The following PWWP2B variants were observed in gnomAD, a reference collection of about 807,000 sequenced individuals.
PWWP2B encodes the protein PWWP domain containing 2B, also known as PWWP domain-containing protein 2B.
PWWP2B carries 9 observed loss-of-function variants against 15.5 expected under a neutral mutation model. The observed-to-expected ratio is 0.58, with a 90% confidence interval of 0.35 to 1.02. The LOEUF (loss-of-function observed/expected upper bound fraction) is 1.02. Among genes scored for constraint, PWWP2B ranks in the 50% least tolerant of loss-of-function variants. PWWP2B has a pLI of 0.02. For missense variants in PWWP2B, 864 were observed against 865.3 expected, an observed-to-expected ratio of 1.00 and a Z score of 0.02; for synonymous variants, 474 against 403.6, an observed-to-expected ratio of 1.17 and a Z score of -2.09.
chr10:132,409,515 G>A lies in PWWP2B; in HGVS notation c.*16+3226G>A, dbSNP rs1401770839. On this transcript the variant is annotated intron_variant, in intron 2 of 2. Transcript: ENST00000305233. Reference sequence around the variant, plus strand: ...ACCCCCACCACCGCCTGGGCCCACCGAGCCTGAGAGGGGAAGGCAGCTCCT... The same window carrying A: ...ACCCCCACCACCGCCTGGGCCCACCAAGCCTGAGAGGGGAAGGCAGCTCCT... Among the ~76,000 whole-genome samples, 4 of 152,246 alleles carry A rather than the reference G, an allele frequency of 2.6e-5. No homozygotes were observed. In the East Asian group the frequency reaches 7.7e-4, roughly 29 times the overall value.
chr10:132,416,990 A>C, intron 2 of PWWP2B, 71 bp from the exon 3 acceptor site: 1 of 1,569,958 alleles, frequency 6.4e-7, no homozygotes, highest in East Asian at 2.2e-5. Flanking sequence ...CCTGCTGCTC[A>C]GACCTTGAGG....
chr10:132,410,881 G>A (rs1215642533), intron 2 of PWWP2B, among the ~76,000 whole-genome samples: 1 of 152,222 alleles, frequency 6.6e-6, no homozygotes, highest in Non-Finnish European at 1.5e-5. Context: ...GCAGGCTGGA[G>A]GGGTCCAGCC....
At chr10:132,415,692 C>T (rs2069843241) in intron 2 of PWWP2B, among the ~76,000 whole-genome samples, 1 of 147,592 alleles carries the variant, frequency 6.8e-6, no homozygotes, top group South Asian at 2.1e-4. Context: ...TCCACACACA[C>T]ATGCACTCTC....
Position 132,405,020 on chromosome 10 carries a change from C to A in PWWP2B, c.520C>A (p.Arg174Ser). 6.5e-7 allele frequency: 1 copy of A among 1,533,334 alleles called. No homozygotes were observed. Among genetic ancestry groups the A allele is most frequent in the Non-Finnish European group, 8.7e-7 (1 of 1,144,818 alleles). The allele number at this position is 1,533,334 out of a possible 1,614,324, so 95.0% of individuals were successfully genotyped here. Residue 174 changes from arginine (R) to serine (S), a missense_variant, in exon 2 of 3, where the codon CGC (arginine) becomes AGC (serine). Around this residue, in one of 2 missense-constraint regions of PWWP2B, gnomAD observed 736 missense variants for 687.7 expected, o/e 1.07. Coordinates refer to ENST00000305233, the MANE Select transcript of PWWP2B (RefSeq NM_138499.4). ...CCTCAGCACCATCCGCCTGCGGCCGCGCCAGGTGCTCTGTGAGAAGTGCAA... is the reference window on the plus strand; with the variant it reads ...CCTCAGCACCATCCGCCTGCGGCCGAGCCAGGTGCTCTGTGAGAAGTGCAA... ...LILSTIRLRP[R>S]QVLCEKCKST...
Position 132,397,283 on chromosome 10 carries a change from C to G in PWWP2B, c.57C>G (p.Gly19=). 1 of 1,414,260 alleles carries G rather than the reference C, an allele frequency of 7.1e-7. No individual in the cohort carries two copies. Among genetic ancestry groups the G allele is most frequent in the Non-Finnish European group, 9.3e-7 (1 of 1,073,762 alleles). The allele number at this position is 1,414,260 out of a possible 1,614,324, so 87.6% of individuals were successfully genotyped here. ...TGCGGGTGGAGCAGGTCGTCAACGG[C>G]GCGCTGGTGGTCACGGTGAGCTGCG... is the stretch of plus-strand genomic sequence containing the variant. ...LPVRVEQVVN[G]ALVVTVSCGE... Residue 19 remains glycine (G), a synonymous_variant, in exon 1 of 3, where the codon GGC becomes GGG. Coordinates refer to ENST00000305233, the MANE Select transcript of PWWP2B (RefSeq NM_138499.4).
intron 1 of PWWP2B, among the ~76,000 whole-genome samples, chr10:132,398,019 A>T (rs1390863976): frequency 6.6e-6 from 1 of 152,140 alleles, no homozygotes; most frequent in East Asian, 1.9e-4. Flanking sequence ...GGCTGCAGGG[A>T]CCCATGCGGT....
In PWWP2B at chr10:132,397,314, C is replaced by T. The variant is rs1309193819; in HGVS notation, c.88C>T (p.Arg30Trp). 3.5e-6 allele frequency: 5 copies of T among 1,430,718 alleles called. No homozygotes were observed. The highest frequency in any genetic ancestry group is 3.0e-5 in the South Asian group (2 of 66,174). The allele number at this position is 1,430,718 out of a possible 1,614,324, so 88.6% of individuals were successfully genotyped here. The change falls in exon 1 of 3, where the codon CGG becomes TGG. Residue 30 changes from arginine (R) to tryptophan (W), a missense_variant. Coordinates refer to ENST00000305233, the MANE Select transcript of PWWP2B (RefSeq NM_138499.4). Reference protein sequence around the residue: ...ALVVTVSCGERSFAGILLDCT... With the variant: ...ALVVTVSCGEWSFAGILLDCT... ...GGTGGTCACGGTGAGCTGCGGCGAG[C>T]GGAGCTTCGCGGGGATCCTGCTGGA...
At chr10:132,400,309 G>A (rs753767359) in intron 1 of PWWP2B, among the ~76,000 whole-genome samples, 2 of 152,118 alleles carry the variant, frequency 1.3e-5, no homozygotes, top group Non-Finnish European at 2.9e-5. Flanking sequence ...GCATCTGAGT[G>A]AGTGGGTAAG....
intron 1 of PWWP2B, among the ~76,000 whole-genome samples, chr10:132,397,585 C>T (rs939699438): frequency 1.4e-5 from 2 of 143,378 alleles, no homozygotes; most frequent in African/African-American, 2.6e-5. Flanking sequence ...CCGGGGCGGG[C>T]CGGGGCGGGG....
chr10:132,409,285 C>A (rs2069745930), intron 2 of PWWP2B, among the ~76,000 whole-genome samples: 1 of 152,242 alleles, frequency 6.6e-6, no homozygotes, highest in Non-Finnish European at 1.5e-5. Context: ...TCTCCTACAC[C>A]CACAGGGACC....
chr10:132,407,356 G>T (rs368347671), intron 2 of PWWP2B, among the ~76,000 whole-genome samples: 35 of 152,332 alleles, frequency 2.3e-4, no homozygotes, highest in South Asian at 2.1e-3. Context: ...AGGGCCAGGG[G>T]CTGTACGCAG....
rs753481720 is a variant in PWWP2B at position 132,405,382 on chromosome 10, C to T, written c.882C>T (p.Pro294=). ...CGCAGGACGACGGCAGCCAGGACCC[C>T]GAGGTGCTGGACAGAGAGTCCCGGG... is the stretch of plus-strand genomic sequence containing the variant. ...QAPQDDGSQD[P]EVLDRESRDR... The change falls in exon 2 of 3, where the codon CCC becomes CCT. Residue 294 remains proline, a synonymous_variant. Coordinates refer to ENST00000305233, the MANE Select transcript of PWWP2B (RefSeq NM_138499.4). The T allele has an allele frequency of 3.1e-6, 5 of 1,611,158 alleles. No individual in the cohort carries two copies. In the South Asian group the frequency reaches 5.5e-5, roughly 18 times the overall value.
At chr10:132,416,964 C>T in intron 2 of PWWP2B, 97 bp from the exon 3 acceptor site, 1 of 1,393,340 alleles carries the variant, frequency 7.2e-7, no homozygotes, top group Non-Finnish European at 1.0e-6. Flanking sequence ...GCCTCAGGCC[C>T]TCCGGGGCAC....
intron 2 of PWWP2B, among the ~76,000 whole-genome samples, chr10:132,406,893 G>A (rs578115370): frequency 4.5e-4 from 68 of 152,294 alleles, no homozygotes; most frequent in African/African-American, 1.2e-3. Flanking sequence ...GCACTCCGTC[G>A]TCAGCAGGCT....
intron 2 of PWWP2B, among the ~76,000 whole-genome samples, chr10:132,413,600 C>T (rs1435821994): frequency 2.0e-5 from 3 of 152,236 alleles, no homozygotes; most frequent in South Asian, 2.1e-4. Context: ...GTGGCACCTC[C>T]GCAGCCCTGG....
intron 1 of PWWP2B, among the ~76,000 whole-genome samples, chr10:132,398,721 G>A (rs1283247627): frequency 2.0e-5 from 3 of 152,216 alleles, no homozygotes; most frequent in Non-Finnish European, 4.4e-5. Context: ...AACCAGGCCC[G>A]ATGGGACCCC....
In PWWP2B at chr10:132,416,989, C is replaced by G. The variant is rs372036396; in HGVS notation, c.*17-72C>G. ...CTCCGGGGCACCCTGACCTGCTGCT[C>G]AGACCTTGAGGGGCTGGTCCCCCAT... On this transcript the variant is annotated intron_variant, in intron 2 of 2. Transcript: ENST00000305233. The G allele has an allele frequency of 5.7e-5, 89 of 1,567,704 alleles. No homozygotes were observed. In the African/African-American group the frequency reaches 8.4e-4, roughly 15 times the overall value.
At position 132,405,052 on chromosome 10, in the gene PWWP2B, G is replaced by A. The variant is rs574795432; in HGVS notation, c.552G>A (p.Thr184=). 6.7e-5 allele frequency: 102 copies of A among 1,514,686 alleles called. No individual in the cohort carries two copies. In the African/African-American group the frequency reaches 1.2e-3, roughly 17 times the overall value. The allele number at this position is 1,514,686 out of a possible 1,614,324, so 93.8% of individuals were successfully genotyped here. A position where few individuals can be genotyped will look rare whatever the true frequency, so the allele number is the denominator to read the frequency against. ...TGCTCTGTGAGAAGTGCAAGAGCAC[G>A]CTGAGCCCCCCGGAGGCCAGCCCCG... is the stretch of plus-strand genomic sequence containing the variant. ...RQVLCEKCKS[T]LSPPEASPGP... is the part of the protein sequence containing the mutation. The change falls in exon 2 of 3, where the codon ACG becomes ACA. Residue 184 remains threonine, a synonymous_variant. Transcript: ENST00000305233.
intron 2 of PWWP2B, among the ~76,000 whole-genome samples, 178 bp from the exon 3 acceptor site, chr10:132,416,883 C>T (rs994885825): frequency 2.0e-4 from 31 of 152,136 alleles, no homozygotes; most frequent in Non-Finnish European, 8.8e-5. Context: ...TCTCTCCCAG[C>T]ACAGCCGGGC....
Sources: allele counts gnomAD v4.1 joint callset (sites outside exome capture counted in the v4.1 genomes callset), GRCh38; gene constraint gnomAD v4.1.1; regional missense constraint gnomAD v4.1.1; transcripts MANE v1.5; gene names NCBI Gene and HGNC (gene_info 2026-07-23, HGNC 2026-07-21).